The following RPS27A variants were observed in gnomAD, a reference collection of about 807,000 sequenced individuals.
RPS27A encodes ribosomal protein S27a.
A neutral mutation model predicts 18.9 loss-of-function variants in RPS27A; 1 was observed. The ratio of observed to expected loss-of-function variants is 0.05; its 90% CI spans 0.02 to 0.25. RPS27A has a LOEUF of 0.25. Among genes scored for constraint, RPS27A ranks in the 10% least tolerant of loss-of-function variants. RPS27A has a pLI of 1.00. For synonymous variants in RPS27A, 77 were observed against 63.7 expected, an observed-to-expected ratio of 1.21 and a Z score of -0.99; for missense variants, 123 against 187.4, an observed-to-expected ratio of 0.66 and a Z score of 2.01.
intron 3 of RPS27A, chr2:55,233,633 T>A (rs945956321): frequency 1.8e-6 from 1 of 568,612 alleles, no homozygotes; most frequent in Non-Finnish European, 3.2e-6. Flanking sequence ...TGGACACTTA[T>A]TTATTTATTT....
chr2:55,235,126 T>G lies in RPS27A; in HGVS notation c.321+164T>G, dbSNP rs982941874. The stretch of plus-strand genomic sequence containing the variant: ...ATGAGAAATTCAGACTTTCTGGGGT[T>G]TTTCCTGTTTGGTATTTGAAATCAG... On this transcript the variant is annotated intron_variant, in intron 5 of 5. Coordinates refer to ENST00000272317, the MANE Select transcript of RPS27A (RefSeq NM_002954.6). 4.7e-6 allele frequency: 4 copies of G among 844,896 alleles called. No homozygotes were observed. The Admixed American group carries it at 7.3e-5, about 15-fold the overall frequency. 52.3% of individuals were successfully genotyped at this position (844,896 alleles called of 1,614,324 possible). A position where few individuals can be genotyped will look rare whatever the true frequency, so the allele number is the denominator to read the frequency against.
chr2:55,234,905 C>G lies in RPS27A; in HGVS notation c.264C>G (p.Pro88=). 6.2e-7 allele frequency: 1 copy of G among 1,613,302 alleles called. No individual in the cohort carries two copies. Among genetic ancestry groups the G allele is most frequent in the Non-Finnish European group, 8.5e-7 (1 of 1,179,882 alleles). Residue 88 remains proline, a synonymous_variant, in exon 5 of 6, where the codon CCC becomes CCG. Coordinates refer to ENST00000272317, the MANE Select transcript of RPS27A (RefSeq NM_002954.6). ...GGAAGAAGAAGTCTTACACCACTCCCAAGAAGAATAAGCACAAGAGAAAGA... is the reference window on the plus strand; with the variant it reads ...GGAAGAAGAAGTCTTACACCACTCCGAAGAAGAATAAGCACAAGAGAAAGA... The part of the protein sequence containing the change: ...KKRKKKSYTT[P]KKNKHKRKKV...
Position 55,233,309 on chromosome 2 carries a change from TCTG to T in RPS27A, c.49-50_49-48del. 2.1e-6 allele frequency: 3 copies of T among 1,409,692 alleles called. No homozygotes were observed. The Admixed American group carries it at 5.0e-5, about 24-fold the overall frequency. 87.3% of individuals were successfully genotyped at this position (1,409,692 alleles called of 1,614,324 possible). ...GTGGTAATTGTCAAACTAAATGAGT[TCTG>T]CTGTAGTTCCTTAATGTGTAACCAA... On this transcript the variant is annotated intron_variant, in intron 2 of 5. Coordinates refer to ENST00000272317, the MANE Select transcript of RPS27A (RefSeq NM_002954.6).
chr2:55,232,723 T>C lies in RPS27A; in HGVS notation c.-18+15T>C. On this transcript the variant is annotated intron_variant, in intron 1 of 5. Coordinates refer to ENST00000272317, the MANE Select transcript of RPS27A (RefSeq NM_002954.6). ...CGCCATCTGCGGTGGGTGTCTGCAC[T>C]TCGGCTGCTCTCGGGTTAGCACCCT... The C allele has an allele frequency of 3.8e-6, 4 of 1,060,970 alleles. No homozygotes were observed. Among genetic ancestry groups the C allele is most frequent in the Non-Finnish European group, 5.7e-6 (4 of 697,672 alleles). The allele number at this position is 1,060,970 out of a possible 1,614,324, so 65.7% of individuals were successfully genotyped here. A position where few individuals can be genotyped will look rare whatever the true frequency, so the allele number is the denominator to read the frequency against.
intron 3 of RPS27A, 163 bp downstream of exon 3, chr2:55,233,580 A>T (rs1675615700): frequency 1.5e-6 from 1 of 663,932 alleles, no homozygotes; most frequent in South Asian, 1.6e-5. Flanking sequence ...GGAGCACAGT[A>T]CCTAGATTGG....
chr2:55,235,149 C>A, intron 5 of RPS27A, 187 bp downstream of exon 5: 2 of 757,710 alleles, frequency 2.6e-6, no homozygotes, highest in South Asian at 1.8e-5. Flanking sequence ...TATTTGAAAT[C>A]AGTTATGTAA....
chr2:55,232,791 CT>C lies in RPS27A; in HGVS notation c.-17-13del. ...GATCCCTGACCTAACCTGTCTCTTCCTTTTCCTCAACCTCAGGTGGAGCCGC... is the reference window on the plus strand; with the variant it reads ...GATCCCTGACCTAACCTGTCTCTTCCTTTCCTCAACCTCAGGTGGAGCCGC... On this transcript the variant is annotated splice_polypyrimidine_tract_variant and intron_variant, in intron 1 of 5. Coordinates refer to ENST00000272317, the MANE Select transcript of RPS27A (RefSeq NM_002954.6). 1 of 1,603,086 alleles carries C rather than the reference CT, an allele frequency of 6.2e-7. No individual in the cohort carries two copies. The highest frequency in any genetic ancestry group is 1.1e-5 in the South Asian group (1 of 89,432).
intron 3 of RPS27A, 23 bp from the exon 4 acceptor site, chr2:55,234,096 T>A: frequency 6.4e-7 from 1 of 1,568,524 alleles, no homozygotes; most frequent in Non-Finnish European, 8.8e-7. Flanking sequence ...TGCTGTGACT[T>A]AATTTTTGTT....
In RPS27A at chr2:55,234,942, G is replaced by A. The variant is rs1481652977; in HGVS notation, c.301G>A (p.Ala101Thr). Residue 101 changes from alanine (A) to threonine (T), a missense_variant, in exon 5 of 6, where the codon GCT (alanine) becomes ACT (threonine). Ala to Thr is a moderately conservative substitution (Grantham distance 58, BLOSUM62 0). This residue lies in a region of RPS27A where 57 missense variants were observed against 114.8 expected (regional missense o/e 0.50). Coordinates refer to ENST00000272317, the MANE Select transcript of RPS27A (RefSeq NM_002954.6). Reference protein sequence around the residue: ...NKHKRKKVKLAVLKYYKVDEN... With the variant: ...NKHKRKKVKLTVLKYYKVDEN... Reference sequence around the variant, plus strand: ...GCACAAGAGAAAGAAGGTTAAGCTGGCTGTCCTGAAATATTATAAGGTGAG... The same window carrying A: ...GCACAAGAGAAAGAAGGTTAAGCTGACTGTCCTGAAATATTATAAGGTGAG... 2 of 1,613,128 alleles carry A rather than the reference G, an allele frequency of 1.2e-6. No homozygotes were observed. Among genetic ancestry groups the A allele is most frequent in the South Asian group, 1.1e-5 (1 of 91,042 alleles).
intron 2 of RPS27A, chr2:55,233,118 A>T (rs1337113715): frequency 1.6e-6 from 1 of 636,816 alleles, no homozygotes; most frequent in East Asian, 2.7e-5. Flanking sequence ...GCGGTGGGGA[A>T]GGAGACGCTC....
rs1465862397 is a variant in RPS27A, at chr2:55,235,525, A to G, written c.419A>G (p.Tyr140Cys). The change falls in exon 6 of 6, where the codon TAT becomes TGT. Residue 140 changes from tyrosine to cysteine, a missense_variant. Physicochemically the swap from Tyr to Cys is radical, Grantham distance 194. Around this residue, in one of 2 missense-constraint regions of RPS27A, gnomAD observed 57 missense variants for 114.8 expected, o/e 0.50. Coordinates refer to ENST00000272317, the MANE Select transcript of RPS27A (RefSeq NM_002954.6). Reference protein sequence around the residue: ...VFMASHFDRHYCGKCCLTYCF... With the variant: ...VFMASHFDRHCCGKCCLTYCF... ...ATGGCAAGTCACTTTGACAGACATT[A>G]TTGTGGCAAATGTTGTCTGACTTAC... 1 of 1,608,972 alleles carries G rather than the reference A, an allele frequency of 6.2e-7. No individual in the cohort carries two copies. The highest frequency in any genetic ancestry group is 2.2e-5 in the East Asian group (1 of 44,886).
In RPS27A at chr2:55,235,327, A is replaced by T. The variant is rs72918921; in HGVS notation, c.322-101A>T. ...GCTTTGGTTTGTAAGCACCAAAACCACCAGTATTACACAGTTAAAAGCTTA... is the reference window on the plus strand; with the variant it reads ...GCTTTGGTTTGTAAGCACCAAAACCTCCAGTATTACACAGTTAAAAGCTTA... On this transcript the variant is annotated intron_variant, in intron 5 of 5. Coordinates refer to ENST00000272317, the MANE Select transcript of RPS27A (RefSeq NM_002954.6). The T allele has an allele frequency of 4.8e-3, 6,342 of 1,311,332 alleles. 239 individuals carry two copies. The African/African-American group carries it at 0.083, about 17-fold the overall frequency. 81.2% of individuals were successfully genotyped at this position (1,311,332 alleles called of 1,614,324 possible). A position where few individuals can be genotyped will look rare whatever the true frequency, so the allele number is the denominator to read the frequency against.
Position 55,235,806 on chromosome 2 carries a change from C to A in RPS27A, c.*229C>A, listed in dbSNP as rs1573833977. The stretch of plus-strand genomic sequence containing the variant: ...CTTGATATTTTCAATTCTTAGACTA[C>A]CTATACTTTGGCAGAAGTTATATTT... On this transcript the variant is annotated 3_prime_UTR_variant, in exon 6 of 6. Transcript: ENST00000272317. 3 of 579,508 alleles carry A rather than the reference C, an allele frequency of 5.2e-6. No individual in the cohort carries two copies. The highest frequency in any genetic ancestry group is 9.2e-6 in the Non-Finnish European group (3 of 325,750). The allele number at this position is 579,508 out of a possible 1,614,324, so 35.9% of individuals were successfully genotyped here.
At chr2:55,232,687 C>G, upstream of RPS27A, 1 of 811,672 alleles carries the variant, frequency 1.2e-6, no homozygotes, top group Non-Finnish European at 2.1e-6. Context: ...CGGCGTTCTT[C>G]CTTTTCGATC....
upstream of RPS27A, chr2:55,232,443 T>C (rs1675509735): frequency 6.5e-6 from 2 of 306,514 alleles, no homozygotes; most frequent in Non-Finnish European, 1.3e-5. Flanking sequence ...CCACGTTGAT[T>C]GTACGGGAAA....
chr2:55,233,448 A>T (rs370590376), intron 3 of RPS27A, 31 bp downstream of exon 3: 31 of 1,565,526 alleles, frequency 2.0e-5, no homozygotes, highest in Non-Finnish European at 1.8e-6. Context: ...AAGAAAACTT[A>T]ACCTGCGGAG....
intron 4 of RPS27A, 112 bp from the exon 5 acceptor site, chr2:55,234,719 T>C: frequency 1.6e-6 from 2 of 1,244,918 alleles, no homozygotes; most frequent in Non-Finnish European, 2.3e-6. Context: ...GCTGCAAGAT[T>C]CCCTCAAATG....
chr2:55,232,992 A>G (rs1014085064), intron 2 of RPS27A, 120 bp downstream of exon 2: 74 of 890,498 alleles, frequency 8.3e-5, no homozygotes, highest in Non-Finnish European at 1.3e-4. Context: ...CTAAAACTTA[A>G]GCTTTGAAAT....
intron 3 of RPS27A, 91 bp downstream of exon 3, chr2:55,233,508 G>A (rs1675610215): frequency 3.4e-6 from 3 of 880,462 alleles, no homozygotes; most frequent in African/African-American, 1.7e-5. Flanking sequence ...GGTGATGGGG[G>A]AAGGGGTCAG....
Sources: gnomAD v4.1 joint callset for allele counts on GRCh38, gnomAD v4.1.1 for gene constraint, gnomAD v4.1.1 regional missense constraint, MANE v1.5 for transcripts, NCBI Gene and HGNC (gene_info 2026-07-23, HGNC 2026-07-21) for gene names.